Variants in PTPN4 observed in about 807,000 individuals in gnomAD.
PTPN4 encodes the protein tyrosine-protein phosphatase non-receptor type 4.
In PTPN4, 49 loss-of-function variants were observed where a neutral mutation model predicts 135.5. That is an observed-to-expected ratio of 0.36 (90% CI 0.29 to 0.46). PTPN4 has a LOEUF of 0.46. Among genes scored for constraint, PTPN4 ranks in the 20% least tolerant of loss-of-function variants. The pLI is 1.00. For missense variants in PTPN4, 860 were observed against 1,101.0 expected, an observed-to-expected ratio of 0.78 and a Z score of 3.10; for synonymous variants, 333 against 369.9, an observed-to-expected ratio of 0.90 and a Z score of 1.14.
At chr2:119,843,376 C>A (rs1204134614) in intron 2 of PTPN4, among the ~76,000 whole-genome samples, 2 of 144,090 alleles carry the variant, frequency 1.4e-5, no homozygotes, top group African/African-American at 2.6e-5. Flanking sequence ...TGAAAAGTCT[C>A]CCATGTCTAC....
At chr2:119,941,246 A>G (rs1318856288) in intron 15 of PTPN4, among the ~76,000 whole-genome samples, 4 of 152,254 alleles carry the variant, frequency 2.6e-5, no homozygotes, top group Non-Finnish European at 4.4e-5. Context: ...TAATAAATAT[A>G]TATGATAGCT....
intron 2 of PTPN4, among the ~76,000 whole-genome samples, chr2:119,840,769 T>C (rs1677368680): frequency 1.3e-5 from 2 of 152,212 alleles, no homozygotes; most frequent in African/African-American, 4.8e-5. Flanking sequence ...TTTTGACTTT[T>C]TAATAGCCAT....
At chr2:119,858,564 G>C (rs1426963937) in intron 2 of PTPN4, among the ~76,000 whole-genome samples, 2 of 152,022 alleles carry the variant, frequency 1.3e-5, no homozygotes. Flanking sequence ...GGAGTGAAAT[G>C]AATGTCACCT....
intron 2 of PTPN4, among the ~76,000 whole-genome samples, chr2:119,862,275 A>C (rs1182107674): frequency 6.6e-6 from 1 of 152,146 alleles, no homozygotes; most frequent in African/African-American, 2.4e-5. Context: ...TTTTTTCTCA[A>C]CCAAGTCATT....
At chr2:119,881,644 A>G (rs1678079921) in intron 5 of PTPN4, 142 bp from the exon 6 acceptor site, 5 of 532,360 alleles carry the variant, frequency 9.4e-6, no homozygotes, top group South Asian at 8.6e-5. Context: ...TTATTTTTAA[A>G]CTACTTTACA....
chr2:119,821,974 C>T (rs1677074718), intron 2 of PTPN4, among the ~76,000 whole-genome samples: 1 of 151,820 alleles, frequency 6.6e-6, no homozygotes, highest in African/African-American at 2.4e-5. Flanking sequence ...ACGTGTTTTC[C>T]TTTTCACTTT....
At chr2:119,943,177 A>G (rs1373580046) in intron 15 of PTPN4, among the ~76,000 whole-genome samples, 1 of 152,092 alleles carries the variant, frequency 6.6e-6, no homozygotes, top group African/African-American at 2.4e-5. Context: ...AAGACCATAC[A>G]ATCACATCAT....
rs1280493851 is a variant in PTPN4 at position 119,952,015 on chromosome 2, G to A, written c.1699G>A (p.Val567Ile). ...TAGACTGAATGAAGGGGACCAAGTT[G>A]TACTGATCAATGGTCGGGACATTGC... ...VPRLNEGDQV[V>I]LINGRDIAEH... The change falls in exon 19 of 27, where the codon GTA becomes ATA. Residue 567 changes from valine to isoleucine, a missense_variant. By Grantham distance (29) the Val-to-Ile change is conservative. Around this residue, in one of 2 missense-constraint regions of PTPN4, gnomAD observed 684 missense variants for 807.0 expected, o/e 0.85. Transcript: ENST00000263708. 3.1e-6 allele frequency: 5 copies of A among 1,613,286 alleles called. No individual in the cohort carries two copies. In the South Asian group the frequency reaches 3.3e-5, roughly 11 times the overall value.
chr2:119,966,464 C>G (rs1209891740), intron 25 of PTPN4, among the ~76,000 whole-genome samples: 2 of 152,104 alleles, frequency 1.3e-5, no homozygotes, highest in Non-Finnish European at 2.9e-5. Context: ...TGCCACGTTG[C>G]CCAGGCTGGT....
intron 12 of PTPN4, among the ~76,000 whole-genome samples, chr2:119,923,923 G>A (rs904472483): frequency 1.3e-5 from 2 of 152,028 alleles, no homozygotes; most frequent in South Asian, 4.2e-4. Flanking sequence ...GGATCACGAG[G>A]TCAGCAGATC....
At chr2:119,844,157 G>A (rs1481613889) in intron 2 of PTPN4, among the ~76,000 whole-genome samples, 1 of 20,716 alleles carries the variant, frequency 4.8e-5, no homozygotes, top group Non-Finnish European at 9.4e-5. Flanking sequence ...GGGGGCCGAC[G>A]CCCCCCACCT....
In PTPN4 at chr2:119,917,759, G is replaced by T. The variant is rs1461311103; in HGVS notation, c.829-2310G>T. Among the ~76,000 whole-genome samples the T allele has an allele frequency of 2.6e-5, 4 of 151,918 alleles. No homozygotes were observed. The East Asian group carries it at 7.7e-4, about 29-fold the overall frequency. On this transcript the variant is annotated intron_variant, in intron 11 of 26. Transcript: ENST00000263708. ...AAACAAAAGAAAAAAGGAAAAAAAA[G>T]ACAGTATACAGGCATACTCTGCAAA...
intron 19 of PTPN4, among the ~76,000 whole-genome samples, chr2:119,954,567 G>T (rs1454194184): frequency 1.3e-5 from 2 of 152,136 alleles, no homozygotes; most frequent in Admixed American, 1.3e-4. Context: ...ATCTTCACAT[G>T]TATGTTTATA....
chr2:119,830,868 A>G (rs530139556), intron 2 of PTPN4, among the ~76,000 whole-genome samples: 2 of 152,276 alleles, frequency 1.3e-5, no homozygotes, highest in South Asian at 4.1e-4. Context: ...AGCCAAGCAG[A>G]TGCCAGCATC....
intron 1 of PTPN4, among the ~76,000 whole-genome samples, chr2:119,766,449 C>CGCGCGTGT (rs1209819421): frequency 1.5e-5 from 2 of 130,996 alleles, no homozygotes; most frequent in Non-Finnish European, 3.2e-5. Flanking sequence ...CATGTGCGCG[C>CGCGCGTGT]GTGTGTGTGT....
At chr2:119,811,926 G>C (rs1676886582) in intron 2 of PTPN4, among the ~76,000 whole-genome samples, 1 of 151,634 alleles carries the variant, frequency 6.6e-6, no homozygotes, top group African/African-American at 2.4e-5. Flanking sequence ...CATATATTTA[G>C]CTGGCAGTTT....
chr2:119,823,258 G>T (rs965777945), intron 2 of PTPN4, among the ~76,000 whole-genome samples: 18 of 145,888 alleles, frequency 1.2e-4, no homozygotes, highest in African/African-American at 4.6e-4. Flanking sequence ...TTTTGGAGAC[G>T]CAGTCTCGCT....
chr2:119,823,068 T>G (rs1677093612), intron 2 of PTPN4, among the ~76,000 whole-genome samples: 1 of 152,204 alleles, frequency 6.6e-6, no homozygotes, highest in South Asian at 2.1e-4. Flanking sequence ...ACCTTTATTC[T>G]TTTACTGTAA....
chr2:119,922,647 C>T (rs1185732163), intron 12 of PTPN4, among the ~76,000 whole-genome samples: 3 of 151,964 alleles, frequency 2.0e-5, no homozygotes, highest in South Asian at 4.1e-4. Flanking sequence ...TTCTTTCGTA[C>T]GATATCATTT....
Sources: gnomAD v4.1 joint callset for allele counts (sites outside exome capture counted in the v4.1 genomes callset) on GRCh38, gnomAD v4.1.1 for gene constraint, gnomAD v4.1.1 regional missense constraint, MANE v1.5 for transcripts, NCBI Gene and HGNC (gene_info 2026-07-23, HGNC 2026-07-21) for gene names.